Variants in GTF3C1 observed in about 807,000 individuals in gnomAD.
GTF3C1 encodes the protein general transcription factor 3C polypeptide 1.
Under a neutral mutation model 226.7 loss-of-function variants are expected in GTF3C1, and 57 were observed. That is an observed-to-expected ratio of 0.25 (90% CI 0.20 to 0.31). The LOEUF (loss-of-function observed/expected upper bound fraction) is 0.31, where lower values mean the gene tolerates loss of function less well. Ranked by LOEUF, GTF3C1 falls within the 10% of genes least tolerant of loss-of-function variation. The probability of loss-of-function intolerance (pLI) is 1.00; values close to 1 mark genes in which losing one functional copy is unlikely to be tolerated. For synonymous variants in GTF3C1, 1,090 were observed against 1,084.8 expected (o/e 1.00, Z -0.09); for missense variants, 2,217 against 2,776.1 (o/e 0.80, Z 4.53).
Position 27,465,761 on chromosome 16 carries a change from C to G in GTF3C1, c.5075-221G>C, listed in dbSNP as rs2087779067. On this transcript the variant is annotated intron_variant, in intron 32 of 36. Transcript: ENST00000356183. ...ACTACAGCTGACTGGGACACAACAG[C>G]TGACTGGATTTCTCTTGGCCACTGT... 8 of 572,946 alleles carry G rather than the reference C, an allele frequency of 1.4e-5. No individual in the cohort carries two copies. In the South Asian group the frequency reaches 1.7e-4, roughly 12 times the overall value. The allele number at this position is 572,946 out of a possible 1,614,324, so 35.5% of individuals were successfully genotyped here. A position where few individuals can be genotyped will look rare whatever the true frequency, so the allele number is the denominator to read the frequency against.
Position 27,503,869 on chromosome 16 carries a change from G to C in GTF3C1, c.1771-874C>G, listed in dbSNP as rs979035540. Among the ~76,000 whole-genome samples, 5 of 152,268 alleles carry C rather than the reference G, an allele frequency of 3.3e-5. No individual in the cohort carries two copies. The East Asian group carries it at 9.7e-4, about 29-fold the overall frequency. ...GCTGGGAGTAGCACTTTCAGGAAAT[G>C]AGAAAGTGCCCAAGGAGGTCACTCG... On this transcript the variant is annotated intron_variant, in intron 10 of 36. Coordinates refer to ENST00000356183, the MANE Select transcript of GTF3C1 (RefSeq NM_001520.4).
At chr16:27,501,083 T>TA in intron 12 of GTF3C1, 108 bp downstream of exon 12, 1 of 898,024 alleles carries the variant, frequency 1.1e-6, no homozygotes, top group Non-Finnish European at 1.7e-6. Flanking sequence ...AAATTCCAAG[T>TA]CACTGGTAAT....
Position 27,508,491 on chromosome 16 carries a change from C to T in GTF3C1, c.1242+49G>A, listed in dbSNP as rs573887178. 3.4e-5 allele frequency: 47 copies of T among 1,368,396 alleles called. No homozygotes were observed. The South Asian group carries it at 5.4e-4, about 16-fold the overall frequency. The allele number at this position is 1,368,396 out of a possible 1,614,324, so 84.8% of individuals were successfully genotyped here. A position where few individuals can be genotyped will look rare whatever the true frequency, so the allele number is the denominator to read the frequency against. ...GAGATGCTCGTTCTCAAATACACTG[C>T]AAGCACCTCCAAAGACAACGAGTGT... On this transcript the variant is annotated intron_variant, in intron 8 of 36. Coordinates refer to ENST00000356183, the MANE Select transcript of GTF3C1 (RefSeq NM_001520.4).
At chr16:27,521,214 G>A (rs757945377) in intron 6 of GTF3C1, among the ~76,000 whole-genome samples, 24 of 152,212 alleles carry the variant, frequency 1.6e-4, no homozygotes, top group Non-Finnish European at 3.1e-4. Flanking sequence ...CACCCTGTAC[G>A]GTCATTTCCT....
rs2088301852 is a variant in GTF3C1 at position 27,495,401 on chromosome 16, G to A, written c.2442C>T (p.His814=). The stretch of plus-strand genomic sequence containing the variant: ...GCTTCTCCACGGTGTTGCTGGCAGG[G>A]TGCCCGTAGATGAGGTACCACAGAA... ...HMFLWYLIYG[H]PASNTVEKPS... Residue 814 remains histidine, a synonymous_variant, in exon 15 of 37, where the codon CAC becomes CAT. Transcript: ENST00000356183. The A allele has an allele frequency of 6.2e-7, 1 of 1,614,086 alleles. No homozygotes were observed.
chr16:27,471,858 C>T lies in GTF3C1; in HGVS notation c.4416G>A (p.Gln1472=), dbSNP rs2087875769. The T allele has an allele frequency of 2.5e-6, 4 of 1,614,090 alleles. No homozygotes were observed. The highest frequency in any genetic ancestry group is 3.4e-6 in the Non-Finnish European group (4 of 1,179,944). ...GGCGCCGGTTGACCAAGCTCCTCTT[C>T]TGGCACTCCATGAAGGCCTTCACAA... ...HVLVKAFMEC[Q]KRSLVNRRRV... Residue 1472 remains glutamine, a synonymous_variant, in exon 30 of 37, where the codon CAG becomes CAA. Transcript: ENST00000356183. This position sits in a 1 kb window ranked among gnomAD's most constrained non-coding sequence, Gnocchi z 5.0.
Position 27,464,759 on chromosome 16 carries a change from A to C in GTF3C1, c.5433T>G (p.Pro1811=), listed in dbSNP as rs1475552943. 1.3e-6 allele frequency: 2 copies of C among 1,574,746 alleles called. No homozygotes were observed. Among genetic ancestry groups the C allele is most frequent in the African/African-American group, 2.7e-5 (2 of 73,278 alleles). Residue 1811 remains proline, a synonymous_variant, in exon 34 of 37, where the codon CCT becomes CCG. Transcript: ENST00000356183. ...ARLVAMGSAW[P]WLLHSVRLKD... is the part of the protein sequence containing the mutation. ...TCAGCCGCACGGAGTGCAGGAGCCA[A>C]GGCCAGGCAGAGCCCATGGCTACCA...
rs751187181 is a variant in GTF3C1, at chr16:27,471,785, C to G, written c.4489G>C (p.Val1497Leu). ...TGGGATAGCTGGTAGGACATTGGCA[C>G]GAAGGGGAGGGCCCGGTTCTTCTTG... Reference protein sequence around the residue: ...GPKKNRALPFVPMSYQLSQTY... With the variant: ...GPKKNRALPFLPMSYQLSQTY... Residue 1497 changes from valine to leucine, a missense_variant, in exon 30 of 37, where the codon GTG becomes CTG. Physicochemically the swap from Val to Leu is conservative, Grantham distance 32 (BLOSUM62 1). This residue lies in a region of GTF3C1 where 546 missense variants were observed against 663.0 expected (regional missense o/e 0.82). Transcript: ENST00000356183. This position sits in a 1 kb window ranked among gnomAD's most constrained non-coding sequence, Gnocchi z 5.0. 4 of 1,614,102 alleles carry G rather than the reference C, an allele frequency of 2.5e-6. No homozygotes were observed. The highest frequency in any genetic ancestry group is 2.2e-5 in the East Asian group (1 of 44,880).
rs373264912 is a variant in GTF3C1 at position 27,493,242 on chromosome 16, G to A, written c.2833C>T (p.Arg945Cys). 7.4e-6 allele frequency: 12 copies of A among 1,611,986 alleles called. No individual in the cohort carries two copies. The highest frequency in any genetic ancestry group is 1.6e-4 in the Middle Eastern group (1 of 6,082). Residue 945 changes from arginine (R) to cysteine (C), a missense_variant, in exon 17 of 37, where the codon CGC becomes TGC. This residue lies in a region of GTF3C1 where 353 missense variants were observed against 411.7 expected (regional missense o/e 0.86). Transcript: ENST00000356183. ...TGCCGAATGGGCCTGGGGAGAAAGC[G>A]GATCAGCGTGTGCTTCTTCAGCGGG... is the stretch of plus-strand genomic sequence containing the variant. ...NDPLKKHTLI[R>C]FLPRPIRQQL...
intron 6 of GTF3C1, among the ~76,000 whole-genome samples, chr16:27,519,728 G>C (rs1403210432): frequency 6.6e-6 from 1 of 152,106 alleles, no homozygotes; most frequent in Non-Finnish European, 1.5e-5. Flanking sequence ...AAAGAAAAAA[G>C]AGAGAGAGAC....
chr16:27,505,519 G>C (rs1474483859), intron 10 of GTF3C1, among the ~76,000 whole-genome samples: 2 of 152,094 alleles, frequency 1.3e-5, no homozygotes, highest in East Asian at 3.8e-4. Flanking sequence ...GTCTCCTATG[G>C]GTAAATGCCA....
At position 27,461,347 on chromosome 16, in the gene GTF3C1, G is replaced by A; in HGVS notation, c.*3C>T. The A allele has an allele frequency of 6.3e-7, 1 of 1,595,232 alleles. No individual in the cohort carries two copies. Among genetic ancestry groups the A allele is most frequent in the Non-Finnish European group, 8.6e-7 (1 of 1,164,846 alleles). The stretch of plus-strand genomic sequence containing the variant: ...TGGGAGGGAGGGGACGCCCACAGGG[G>A]TCCTAGAGGTGGATCCACTTGTTCC... On this transcript the variant is annotated 3_prime_UTR_variant, in exon 37 of 37. Coordinates refer to ENST00000356183, the MANE Select transcript of GTF3C1 (RefSeq NM_001520.4). This position sits in a 1 kb window ranked among gnomAD's most constrained non-coding sequence, Gnocchi z 5.3.
chr16:27,549,866 C>T lies in GTF3C1; in HGVS notation c.25G>A (p.Asp9Asn). The change falls in exon 1 of 37, where the codon GAC becomes AAC. Residue 9 changes from aspartate (D) to asparagine (N), a missense_variant. Asp to Asn is a conservative substitution (Grantham distance 23). Transcript: ENST00000356183. Reference sequence around the variant, plus strand: ...TCGAGCCCCTCCAGAGCGACTTCGTCCAACAACGACTCCAGCGCGTCCATT... The same window carrying T: ...TCGAGCCCCTCCAGAGCGACTTCGTTCAACAACGACTCCAGCGCGTCCATT... MDALESLL[D>N]EVALEGLDGL... The T allele has an allele frequency of 1.2e-6, 2 of 1,612,614 alleles. No homozygotes were observed. The highest frequency in any genetic ancestry group is 2.2e-5 in the East Asian group (1 of 44,870).
Position 27,471,931 on chromosome 16 carries a change from G to A in GTF3C1, c.4354-11C>T. 1.2e-6 allele frequency: 2 copies of A among 1,613,494 alleles called. No homozygotes were observed. Among genetic ancestry groups the A allele is most frequent in the East Asian group, 2.2e-5 (1 of 44,874 alleles). ...ATAGAGGCGGAAAGTCTGCAACACA[G>A]GGCGGCGAGGGTGAGTAGGGTTCTC... On this transcript the variant is annotated splice_polypyrimidine_tract_variant and intron_variant, in intron 29 of 36. Transcript: ENST00000356183. This position sits in a 1 kb window ranked among gnomAD's most constrained non-coding sequence, Gnocchi z 5.0.
chr16:27,469,845 C>T lies in GTF3C1; in HGVS notation c.4814+263G>A, dbSNP rs1292114541. Among the ~76,000 whole-genome samples, 3 of 152,178 alleles carry T rather than the reference C, an allele frequency of 2.0e-5. No homozygotes were observed. Among genetic ancestry groups the T allele is most frequent in the Non-Finnish European group, 2.9e-5 (2 of 68,032 alleles). ...TCCCCAGGAAGCCCCAGTTCTGTTG[C>T]GAGGCCCTCAGGAACAGTCCTCCCT... On this transcript the variant is annotated intron_variant, in intron 31 of 36. Coordinates refer to ENST00000356183, the MANE Select transcript of GTF3C1 (RefSeq NM_001520.4). The surrounding 1 kb of genome is among the most constrained non-coding windows in gnomAD (Gnocchi z 4.5).
intron 6 of GTF3C1, among the ~76,000 whole-genome samples, chr16:27,518,468 G>A (rs1596648942): frequency 2.0e-5 from 3 of 152,322 alleles, no homozygotes; most frequent in Non-Finnish European, 2.9e-5. Context: ...TTAGGACAGC[G>A]CCTGGCATGG....
chr16:27,498,874 A>G (rs942456781), intron 12 of GTF3C1, 141 bp from the exon 13 acceptor site: 9 of 635,182 alleles, frequency 1.4e-5, no homozygotes, highest in Non-Finnish European at 2.6e-5. Context: ...TCGAAACAAA[A>G]TTTGTTGCTC....
chr16:27,540,180 G>T (rs1339333793), intron 2 of GTF3C1, among the ~76,000 whole-genome samples: 4 of 152,194 alleles, frequency 2.6e-5, no homozygotes, highest in African/African-American at 4.8e-5. Flanking sequence ...AAAAAAAGAG[G>T]CTGTTTTAAC....
chr16:27,503,025 A>T (rs1252608926), intron 10 of GTF3C1, 30 bp from the exon 11 acceptor site: 2 of 1,600,400 alleles, frequency 1.2e-6, no homozygotes, highest in Non-Finnish European at 1.7e-6. Flanking sequence ...CACAAGATGC[A>T]ATGGGCTCGG....
Sources: allele counts gnomAD v4.1 joint callset (sites outside exome capture counted in the v4.1 genomes callset), GRCh38; gene constraint gnomAD v4.1.1; regional missense constraint gnomAD v4.1.1; non-coding constraint Gnocchi (gnomAD v3.1); transcripts MANE v1.5; gene names NCBI Gene and HGNC (gene_info 2026-07-23, HGNC 2026-07-21).